TAF8: variants seen among roughly 807,000 people sequenced by gnomAD.
The protein encoded by TAF8 is TATA-box binding protein associated factor 8.
In TAF8, 47 loss-of-function variants were observed where a neutral mutation model predicts 36.5. That is an observed-to-expected ratio of 1.29 (90% confidence interval 1.02 to 1.64). The LOEUF is 1.64. Among genes scored for constraint, TAF8 ranks in the 40% most tolerant of loss-of-function variants. TAF8 has a pLI of 0.00. For synonymous variants in TAF8, 175 were observed against 159.5 expected (o/e 1.10, Z -0.73); for missense variants, 420 against 407.6 (o/e 1.03, Z -0.26).
At chr6:42,056,085 G>A (rs1423651891) in intron 4 of TAF8, 71 bp downstream of exon 4, 13 of 1,004,068 alleles carry the variant, frequency 1.3e-5, no homozygotes, top group Non-Finnish European at 2.1e-5. Flanking sequence ...AATTGAATAT[G>A]GTAGGGATTG....
downstream of TAF8, among the ~76,000 whole-genome samples, chr6:42,085,393 T>A (rs992707470): frequency 1.3e-5 from 2 of 152,342 alleles, no homozygotes; most frequent in Middle Eastern, 3.4e-3. Context: ...ATTCCCAGCC[T>A]GTGTTGGTAG....
Position 42,081,525 on chromosome 6 carries a change from C to T in TAF8, c.*3980C>T, listed in dbSNP as rs143790816. ...CTGGGACTACAGGTGCCTGCTACCA[C>T]GCCCAGCTAATTTTTTGTATTTTTC... On this transcript the variant is annotated 3_prime_UTR_variant, in exon 9 of 9. Transcript: ENST00000372977. The T allele has an allele frequency of 0.022, 3,414 of 152,270 alleles. 122 individuals are homozygous for T. The highest frequency in any genetic ancestry group is 0.076 in the African/African-American group (3,158 of 41,502). The allele number at this position is 152,270 out of a possible 1,614,324, so 9.4% of individuals were successfully genotyped here. A position where few individuals can be genotyped will look rare whatever the true frequency, so the allele number is the denominator to read the frequency against.
Position 42,079,661 on chromosome 6 carries a change from C to A in TAF8, c.*2116C>A. On this transcript the variant is annotated 3_prime_UTR_variant, in exon 9 of 9. Coordinates refer to ENST00000372977, the MANE Select transcript of TAF8 (RefSeq NM_138572.3). Reference sequence around the variant, plus strand: ...CACTGCAACCTCCACTCCCCGGGTTCAAGCAATTCTCAGAGTAGCTGGGAT... The same window carrying A: ...CACTGCAACCTCCACTCCCCGGGTTAAAGCAATTCTCAGAGTAGCTGGGAT... The A allele has an allele frequency of 1.3e-6, 1 of 788,670 alleles. No homozygotes were observed. Among genetic ancestry groups the A allele is most frequent in the Non-Finnish European group, 1.5e-6 (1 of 650,944 alleles). The allele number at this position is 788,670 out of a possible 1,614,324, so 48.9% of individuals were successfully genotyped here.
chr6:42,063,625 G>C (rs1236024383), intron 5 of TAF8: 1 of 152,072 alleles, frequency 6.6e-6, no homozygotes, highest in African/African-American at 2.4e-5. Context: ...TTTTGTTGTT[G>C]TTGTTATTTT....
In TAF8 at chr6:42,077,738, T is replaced by C; in HGVS notation, c.*193T>C. On this transcript the variant is annotated 3_prime_UTR_variant, in exon 9 of 9. Coordinates refer to ENST00000372977, the MANE Select transcript of TAF8 (RefSeq NM_138572.3). ...CACTGGATGTTTGGGTTGAGGAAGA[T>C]ATGAACAGAATAATGAGAATTTTTT... 1 of 1,449,178 alleles carries C rather than the reference T, an allele frequency of 6.9e-7. No homozygotes were observed. Among genetic ancestry groups the C allele is most frequent in the Non-Finnish European group, 9.0e-7 (1 of 1,106,290 alleles). 89.8% of individuals were successfully genotyped at this position (1,449,178 alleles called of 1,614,324 possible). A position where few individuals can be genotyped will look rare whatever the true frequency, so the allele number is the denominator to read the frequency against.
chr6:42,051,615 C>T, intron 2 of TAF8, 102 bp downstream of exon 2: 1 of 1,416,626 alleles, frequency 7.1e-7, no homozygotes, highest in Non-Finnish European at 9.4e-7. Flanking sequence ...AAACTTTTTT[C>T]TTAAGAGGGG....
chr6:42,058,255 A>G (rs2493830), intron 5 of TAF8, among the ~76,000 whole-genome samples: 116,285 of 152,046 alleles, frequency 0.76, 44,581 homozygotes, highest in East Asian at 0.82. Flanking sequence ...GTGGTGGCAC[A>G]TACCTGTAGT....
At chr6:42,059,992 G>A (rs114963604) in intron 5 of TAF8, among the ~76,000 whole-genome samples, 3,007 of 152,302 alleles carry the variant, frequency 0.02, 43 homozygotes, top group Non-Finnish European at 0.031. Flanking sequence ...AGTGGAACTG[G>A]TTTGCAACTG....
intron 4 of TAF8, among the ~76,000 whole-genome samples, chr6:42,056,671 C>T (rs1340264223): frequency 6.6e-6 from 1 of 152,126 alleles, no homozygotes; most frequent in African/African-American, 2.4e-5. Context: ...GGCACAATCT[C>T]GGCTGACTAC....
chr6:42,053,208 A>G lies in TAF8; in HGVS notation c.202+1695A>G, dbSNP rs927578597. Among the ~76,000 whole-genome samples, 4 of 152,142 alleles carry G rather than the reference A, an allele frequency of 2.6e-5. No individual in the cohort carries two copies. The South Asian group carries it at 6.2e-4, about 24-fold the overall frequency. On this transcript the variant is annotated intron_variant, in intron 2 of 8. Coordinates refer to ENST00000372977, the MANE Select transcript of TAF8 (RefSeq NM_138572.3). The stretch of plus-strand genomic sequence containing the variant: ...CACCCAGCTCTCAGAATCCCTTTAT[A>G]TTAATAAACATTGAGGACCCCAAGT...
downstream of TAF8, among the ~76,000 whole-genome samples, chr6:42,084,715 A>T (rs1766000515): frequency 6.6e-6 from 1 of 152,148 alleles, no homozygotes; most frequent in Non-Finnish European, 1.5e-5. Flanking sequence ...CACCTGCCTC[A>T]GCCTCCCAAA....
chr6:42,060,379 C>T (rs908160712), intron 5 of TAF8, among the ~76,000 whole-genome samples: 71 of 152,112 alleles, frequency 4.7e-4, no homozygotes, highest in African/African-American at 1.6e-3. Flanking sequence ...GTACTTGGCC[C>T]GATTATTTGC....
rs201129664 is a variant in TAF8, at chr6:42,055,521, C to G, written c.203-10C>G. 1,660 of 1,596,904 alleles carry G rather than the reference C, an allele frequency of 1.0e-3. 2 individuals carry two copies. The highest frequency in any genetic ancestry group is 1.4e-3 in the Non-Finnish European group (1,609 of 1,164,576). On this transcript the variant is annotated splice_polypyrimidine_tract_variant and intron_variant, in intron 2 of 8. Coordinates refer to ENST00000372977, the MANE Select transcript of TAF8 (RefSeq NM_138572.3). ...TGAGAATAAGTTTTATGCCTTTAAT[C>G]CCCTCTTAGACATTTCAGAAATTGG...
Position 42,050,564 on chromosome 6 carries a change from C to A in TAF8, c.23C>A (p.Ala8Asp). Reference sequence around the variant, plus strand: ...AAGATGGCCGACGCGGCGGCCACAGCTGGGGCCGGTGGCTCCGGAACGGTA... The same window carrying A: ...AAGATGGCCGACGCGGCGGCCACAGATGGGGCCGGTGGCTCCGGAACGGTA... MADAAAT[A>D]GAGGSGTRSG... The change falls in exon 1 of 9, where the codon GCT (alanine) becomes GAT (aspartate). Residue 8 changes from alanine (A) to aspartate (D), a missense_variant. Physicochemically the swap from Ala to Asp is moderately radical, Grantham distance 126. Transcript: ENST00000372977. 1 of 1,556,622 alleles carries A rather than the reference C, an allele frequency of 6.4e-7. No individual in the cohort carries two copies. Among genetic ancestry groups the A allele is most frequent in the Non-Finnish European group, 8.7e-7 (1 of 1,150,532 alleles).
At position 42,066,460 on chromosome 6, in the gene TAF8, G is replaced by C; in HGVS notation, c.637+1G>C. On this transcript the variant is annotated splice_donor_variant, in intron 6 of 8. Coordinates refer to ENST00000372977, the MANE Select transcript of TAF8 (RefSeq NM_138572.3). LOFTEE classifies it high-confidence loss of function. Reference sequence around the variant, plus strand: ...AAAGATGACGTCAGCACATTTCCATGTGAGAGTTGCCCCACTGTGTGGACC... The same window carrying C: ...AAAGATGACGTCAGCACATTTCCATCTGAGAGTTGCCCCACTGTGTGGACC... The C allele has an allele frequency of 6.2e-7, 1 of 1,614,134 alleles. No homozygotes were observed. The highest frequency in any genetic ancestry group is 8.5e-7 in the Non-Finnish European group (1 of 1,179,976).
At chr6:42,068,189 T>C (rs2492925) in intron 6 of TAF8, among the ~76,000 whole-genome samples, 113,202 of 152,080 alleles carry the variant, frequency 0.74, 42,150 homozygotes, top group East Asian at 0.82. Context: ...GTCATGCTGC[T>C]TGAGTTAGAA....
At position 42,079,240 on chromosome 6, in the gene TAF8, G is replaced by C. The variant is rs181013813; in HGVS notation, c.*1695G>C. On this transcript the variant is annotated 3_prime_UTR_variant, in exon 9 of 9. Transcript: ENST00000372977. ...AAGCTGAGAAACGGCTGGTCAGCTGGAAGGCTGGTGGATGGGCAGGAGTGA... is the reference window on the plus strand; with the variant it reads ...AAGCTGAGAAACGGCTGGTCAGCTGCAAGGCTGGTGGATGGGCAGGAGTGA... 180 of 985,644 alleles carry C rather than the reference G, an allele frequency of 1.8e-4. No homozygotes were observed. In the African/African-American group the frequency reaches 2.9e-3, roughly 16 times the overall value. 61.1% of individuals were successfully genotyped at this position (985,644 alleles called of 1,614,324 possible). A position where few individuals can be genotyped will look rare whatever the true frequency, so the allele number is the denominator to read the frequency against.
rs761959469 is a variant in TAF8 at position 42,057,426 on chromosome 6, C to T, written c.402C>T (p.Leu134=). Reference sequence around the variant, plus strand: ...ATCAGCCAGTGACCCCCAAGGCCCTCACTGCAGGGCAGAACCGACCCCACC... The same window carrying T: ...ATCAGCCAGTGACCCCCAAGGCCCTTACTGCAGGGCAGAACCGACCCCACC... The part of the protein sequence containing the change: ...VTNQPVTPKA[L]TAGQNRPHPP... Residue 134 remains leucine, a synonymous_variant, in exon 5 of 9, where the codon CTC becomes CTT. Coordinates refer to ENST00000372977, the MANE Select transcript of TAF8 (RefSeq NM_138572.3). The T allele has an allele frequency of 6.2e-7, 1 of 1,614,106 alleles. No individual in the cohort carries two copies. Among genetic ancestry groups the T allele is most frequent in the Non-Finnish European group, 8.5e-7 (1 of 1,180,032 alleles).
At chr6:42,052,329 T>C (rs1293759567) in intron 2 of TAF8, among the ~76,000 whole-genome samples, 93 of 115,102 alleles carry the variant, frequency 8.1e-4, no homozygotes, top group African/African-American at 8.4e-4. Flanking sequence ...CCCCCCCCCC[T>C]TTTTTTTTTT....
Sources: allele counts gnomAD v4.1 joint callset (sites outside exome capture counted in the v4.1 genomes callset), GRCh38; gene constraint gnomAD v4.1.1; transcripts MANE v1.5; gene names NCBI Gene and HGNC (gene_info 2026-07-23, HGNC 2026-07-21).